PDE1C: variants seen among roughly 807,000 people sequenced by gnomAD.
The protein encoded by PDE1C is dual specificity calcium/calmodulin-dependent 3',5'-cyclic nucleotide phosphodiesterase 1C.
A neutral mutation model predicts 93.1 loss-of-function variants in PDE1C; 62 were observed. The ratio of observed to expected loss-of-function variants is 0.67; its 90% CI spans 0.54 to 0.82. The LOEUF (loss-of-function observed/expected upper bound fraction) is 0.82, where lower values mean the gene tolerates loss of function less well. Among genes scored for constraint, PDE1C ranks in the 40% least tolerant of loss-of-function variants. The pLI is 0.00. For synonymous variants in PDE1C, 325 were observed against 310.1 expected (o/e 1.05, Z -0.50); for missense variants, 742 against 884.6 (o/e 0.84, Z 2.04).
rs557538963 is a variant in PDE1C at position 32,081,975 on chromosome 7, A to C, written c.308+87810T>G. On this transcript the variant is annotated intron_variant, in intron 3 of 18. Transcript: ENST00000396193. ...TTTCTGCATTTCCATCTGAGGTACC[A>C]GGTTCATCTCACTAGGGAGTGCCAG... Among the ~76,000 whole-genome samples, 567 of 152,314 alleles carry C rather than the reference A, an allele frequency of 3.7e-3. 3 individuals carry two copies. The highest frequency in any genetic ancestry group is 0.013 in the African/African-American group (540 of 41,580).
At chr7:32,186,177 A>ACTGCAAGCTCCGCCTCC (rs1477994942) in intron 2 of PDE1C, among the ~76,000 whole-genome samples, 2 of 145,150 alleles carry the variant, frequency 1.4e-5, no homozygotes, top group Non-Finnish European at 3.0e-5. Flanking sequence ...ATCTCGGCTC[A>ACTGCAAGCTCCGCCTCC]CTGCAAGCTC....
At chr7:32,338,373 A>T (rs1783671635) in intron 1 of PDE1C, among the ~76,000 whole-genome samples, 1 of 152,240 alleles carries the variant, frequency 6.6e-6, no homozygotes, top group African/African-American at 2.4e-5. Context: ...ACATGAAAAG[A>T]TACTAACACA....
At chr7:31,891,656 G>A (rs192938711) in intron 2 of PDE1C, among the ~76,000 whole-genome samples, 41 of 152,230 alleles carry the variant, frequency 2.7e-4, no homozygotes, top group African/African-American at 9.9e-4. Flanking sequence ...GGGGTTTACA[G>A]GGATTGGAGA....
At chr7:31,682,747 TTAGA>T in the PDE1C span, among the ~76,000 whole-genome samples, 1 of 152,146 alleles carries the variant, frequency 6.6e-6, no homozygotes, top group Non-Finnish European at 1.5e-5. Flanking sequence ...GATGAATGGG[TTAGA>T]TAAATTGCGG....
chr7:32,258,606 G>T (rs1184394549), intron 1 of PDE1C, among the ~76,000 whole-genome samples: 1 of 152,136 alleles, frequency 6.6e-6, no homozygotes, highest in Non-Finnish European at 1.5e-5. Context: ...AGACTATGGG[G>T]TCCCTGAGGA....
At chr7:31,651,403 T>TGGTCTTGTTCTTGCTTTCTC in the PDE1C span, 1 of 1,086,558 alleles carries the variant, frequency 9.2e-7, no homozygotes, top group Admixed American at 2.9e-5. Context: ...TTTGCTTTCT[T>TGGTCTTGTTCTTGCTTTCTC]GGTCTTGTTC....
intron 3 of PDE1C, among the ~76,000 whole-genome samples, chr7:32,120,097 C>G (rs889986874): frequency 6.6e-6 from 1 of 152,224 alleles, no homozygotes; most frequent in Non-Finnish European, 1.5e-5. Flanking sequence ...GTGCCCCCCA[C>G]AGCCCCACAC....
At chr7:32,204,671 T>C (rs570436619) in intron 2 of PDE1C, among the ~76,000 whole-genome samples, 1 of 152,320 alleles carries the variant, frequency 6.6e-6, no homozygotes, top group Non-Finnish European at 1.5e-5. Context: ...TTACATGTGG[T>C]ATTTGGAGTT....
At chr7:31,907,559 T>C (rs1800756041) in intron 2 of PDE1C, among the ~76,000 whole-genome samples, 1 of 152,150 alleles carries the variant, frequency 6.6e-6, no homozygotes, top group Non-Finnish European at 1.5e-5. Context: ...GGTAATACCA[T>C]TTATACATTT....
At chr7:32,397,064 G>A (rs543451782) in intron 1 of PDE1C, among the ~76,000 whole-genome samples, 13 of 152,198 alleles carry the variant, frequency 8.5e-5, no homozygotes, top group African/African-American at 3.1e-4. Flanking sequence ...CAAACTCCAG[G>A]TAGGGAAAAG....
the PDE1C span, among the ~76,000 whole-genome samples, chr7:31,619,800 G>A: frequency 0.55 from 83,334 of 151,978 alleles, 23,333 homozygotes; most frequent in East Asian, 0.83. Flanking sequence ...GAAGCAGCGC[G>A]AGGCATTGCC....
chr7:31,747,183 C>T (rs1459558101), downstream of PDE1C, among the ~76,000 whole-genome samples: 1 of 152,116 alleles, frequency 6.6e-6, no homozygotes, highest in Non-Finnish European at 1.5e-5. Context: ...CAAAGGGGCA[C>T]ACCAGAAAAG....
intron 3 of PDE1C, among the ~76,000 whole-genome samples, chr7:32,157,255 G>T (rs1801630319): frequency 6.6e-6 from 1 of 152,130 alleles, no homozygotes; most frequent in South Asian, 2.1e-4. Flanking sequence ...GAAGGAATAA[G>T]TTCTAGTATT....
chr7:31,824,521 T>C (rs761743540), intron 13 of PDE1C, among the ~76,000 whole-genome samples: 3 of 152,134 alleles, frequency 2.0e-5, no homozygotes, highest in Admixed American at 6.6e-5. Context: ...GTTTCATTTC[T>C]TTGTAAGTAT....
intron 16 of PDE1C, among the ~76,000 whole-genome samples, chr7:31,798,419 T>G (rs1785577786): frequency 6.6e-6 from 1 of 151,722 alleles, no homozygotes; most frequent in East Asian, 1.9e-4. Context: ...AATGAGACCA[T>G]TCTTATATAA....
intron 2 of PDE1C, among the ~76,000 whole-genome samples, chr7:31,931,550 C>T (rs1340179136): frequency 6.6e-6 from 1 of 152,148 alleles, no homozygotes; most frequent in Non-Finnish European, 1.5e-5. Flanking sequence ...AGGACCTCTT[C>T]AAGGAGAACT....
At chr7:32,205,636 C>A (rs73304654) in intron 2 of PDE1C, among the ~76,000 whole-genome samples, 1 of 152,116 alleles carries the variant, frequency 6.6e-6, no homozygotes, top group African/African-American at 2.4e-5. Context: ...CTGCTTGTGC[C>A]CTGCAGAAGC....
intron 1 of PDE1C, among the ~76,000 whole-genome samples, chr7:32,391,023 C>G (rs1487273688): frequency 6.6e-6 from 1 of 151,938 alleles, no homozygotes; most frequent in Non-Finnish European, 1.5e-5. Context: ...ATGGCAGACA[C>G]AAATCCAACC....
At chr7:32,186,309 A>C (rs1473918994) in intron 2 of PDE1C, among the ~76,000 whole-genome samples, 1 of 151,056 alleles carries the variant, frequency 6.6e-6, no homozygotes, top group Non-Finnish European at 1.5e-5. Flanking sequence ...TCACCTTATT[A>C]GCCAGGATGG....
Sources: gnomAD v4.1 joint callset for allele counts (sites outside exome capture counted in the v4.1 genomes callset) on GRCh38, gnomAD v4.1.1 for gene constraint, MANE v1.5 for transcripts, NCBI Gene and HGNC (gene_info 2026-07-23, HGNC 2026-07-21) for gene names.